The following TNC variants were observed in gnomAD, a reference collection of about 807,000 sequenced individuals.
TNC encodes tenascin C, also known as tenascin.
In TNC, 109 loss-of-function variants were observed where a neutral mutation model predicts 202.4. The ratio of observed to expected loss-of-function variants is 0.54; its 90% CI spans 0.46 to 0.63. TNC has a LOEUF of 0.63. Among genes scored for constraint, TNC ranks in the 30% least tolerant of loss-of-function variants. The pLI, the probability that TNC is intolerant of heterozygous loss-of-function variation, is 0.00. For synonymous variants in TNC, 1,007 were observed against 1,089.7 expected (o/e 0.92, Z 1.50); for missense variants, 2,756 against 2,833.3 (o/e 0.97, Z 0.62).
Position 115,063,933 on chromosome 9 carries a change from G to A in TNC, c.3623C>T (p.Ala1208Val). 1.2e-6 allele frequency: 2 copies of A among 1,614,128 alleles called. No individual in the cohort carries two copies. The highest frequency in any genetic ancestry group is 1.7e-6 in the Non-Finnish European group (2 of 1,180,016). The part of the protein sequence containing the change: ...QVQEADTVEA[A>V]QNLTVPGGLR... ...TCCTCCTGGGACGGTGAGGTTCTGGGCTGCCTCTACTGTGTCAGCCTCCTG... is the reference window on the plus strand; with the variant it reads ...TCCTCCTGGGACGGTGAGGTTCTGGACTGCCTCTACTGTGTCAGCCTCCTG... The change falls in exon 12 of 28, where the codon GCC becomes GTC. Residue 1208 changes from alanine to valine, a missense_variant. Physicochemically the swap from Ala to Val is moderately conservative, Grantham distance 64. Coordinates refer to ENST00000350763, the MANE Select transcript of TNC (RefSeq NM_002160.4).
Position 115,031,535 on chromosome 9 carries a change from C to T in TNC, c.5920+18G>A, listed in dbSNP as rs765039860. 6 of 1,520,726 alleles carry T rather than the reference C, an allele frequency of 3.9e-6. No homozygotes were observed. Among genetic ancestry groups the T allele is most frequent in the Non-Finnish European group, 5.3e-6 (6 of 1,134,222 alleles). The allele number at this position is 1,520,726 out of a possible 1,614,324, so 94.2% of individuals were successfully genotyped here. On this transcript the variant is annotated intron_variant, in intron 23 of 27. Coordinates refer to ENST00000350763, the MANE Select transcript of TNC (RefSeq NM_002160.4). ...AAAGTTAGATCTCAAGGCTGGATGG[C>T]ACCCTGGGCCTCCTTACTTGTGGTG...
chr9:115,082,163 G>A (rs953892429), intron 5 of TNC, among the ~76,000 whole-genome samples: 1 of 152,226 alleles, frequency 6.6e-6, no homozygotes, highest in Non-Finnish European at 1.5e-5. Context: ...CAAGTCAAAT[G>A]ACAGAATGTG....
rs151194379 is a variant in TNC, at chr9:115,036,532, T to A, written c.5513-291A>T. ...CCCACATGGTACTGGCTGGAATCGC[T>A]TTGCCACTGAGACCGAGGTAGAGGA... On this transcript the variant is annotated intron_variant, in intron 20 of 27. Coordinates refer to ENST00000350763, the MANE Select transcript of TNC (RefSeq NM_002160.4). Among the ~76,000 whole-genome samples the A allele has an allele frequency of 2.6e-3, 390 of 152,300 alleles. 2 individuals are homozygous for A. Among genetic ancestry groups the A allele is most frequent in the African/African-American group, 9.0e-3 (375 of 41,562 alleles).
In TNC at chr9:115,019,791, T is replaced by G. The variant is rs1479093790; in HGVS notation, c.*1366A>C. On this transcript the variant is annotated 3_prime_UTR_variant, in exon 28 of 28. Coordinates refer to ENST00000350763, the MANE Select transcript of TNC (RefSeq NM_002160.4). ...AATGAGAAGTATGAGTGTCCCTACT[T>G]TACAGAAGAGGAAACTGAGGCATAG... 1 of 152,176 alleles carries G rather than the reference T, an allele frequency of 6.6e-6. No individual in the cohort carries two copies. Among genetic ancestry groups the G allele is most frequent in the Non-Finnish European group, 1.5e-5 (1 of 68,040 alleles). 9.4% of individuals were successfully genotyped at this position (152,176 alleles called of 1,614,324 possible).
chr9:115,036,369 TGA>T, intron 20 of TNC, 128 bp from the exon 21 acceptor site: 127 of 1,051,330 alleles, frequency 1.2e-4, no homozygotes, highest in Admixed American at 3.8e-4. Context: ...AAAGCAGGTC[TGA>T]TTTCTGAAAT....
intron 11 of TNC, among the ~76,000 whole-genome samples, 200 bp downstream of exon 11, chr9:115,064,447 C>T (rs1832783904): frequency 6.6e-6 from 1 of 152,066 alleles, no homozygotes; most frequent in African/African-American, 2.4e-5. Context: ...TGTACAACTC[C>T]CAAGGGTGTC....
chr9:115,102,524 A>T (rs1836312792), intron 1 of TNC, among the ~76,000 whole-genome samples: 1 of 152,210 alleles, frequency 6.6e-6, no homozygotes, highest in South Asian at 2.1e-4. Flanking sequence ...CTGCTTAAAG[A>T]AATCTACTAT....
chr9:115,040,905 TAAC>T lies in TNC; in HGVS notation c.5392+33_5392+35del, dbSNP rs996717096. The T allele has an allele frequency of 8.9e-6, 8 of 901,652 alleles. No homozygotes were observed. The African/African-American group carries it at 2.7e-4, about 30-fold the overall frequency. The allele number at this position is 901,652 out of a possible 1,614,324, so 55.9% of individuals were successfully genotyped here. A position where few individuals can be genotyped will look rare whatever the true frequency, so the allele number is the denominator to read the frequency against. On this transcript the variant is annotated intron_variant, in intron 19 of 27. Coordinates refer to ENST00000350763, the MANE Select transcript of TNC (RefSeq NM_002160.4). ...TGCACAAGTGACCTCTGAAAAATAG[TAAC>T]ACACACACACACACACAACCCCACC... is the stretch of plus-strand genomic sequence containing the variant.
chr9:115,025,071 A>T (rs901892807), intron 26 of TNC, among the ~76,000 whole-genome samples: 1 of 152,214 alleles, frequency 6.6e-6, no homozygotes, highest in African/African-American at 2.4e-5. Flanking sequence ...GGTGCAGCCA[A>T]ATCACACAAG....
In TNC at chr9:115,021,273, A is replaced by C; in HGVS notation, c.6496-6T>G. On this transcript the variant is annotated splice_polypyrimidine_tract_variant and splice_region_variant and intron_variant, in intron 27 of 27. Coordinates refer to ENST00000350763, the MANE Select transcript of TNC (RefSeq NM_002160.4). Reference sequence around the variant, plus strand: ...CAGTGGAACCAGTTAACGCCCTGTTAAAAAAAAAAAAGAGAGAGAGAGAGA... The same window carrying C: ...CAGTGGAACCAGTTAACGCCCTGTTCAAAAAAAAAAAGAGAGAGAGAGAGA... The C allele has an allele frequency of 9.4e-6, 4 of 427,050 alleles. No homozygotes were observed. Among genetic ancestry groups the C allele is most frequent in the Non-Finnish European group, 1.1e-5 (3 of 277,322 alleles). The allele number at this position is 427,050 out of a possible 1,614,324, so 26.5% of individuals were successfully genotyped here. A position where few individuals can be genotyped will look rare whatever the true frequency, so the allele number is the denominator to read the frequency against.
chr9:115,030,434 C>A, intron 23 of TNC, 29 bp from the exon 24 acceptor site: 1 of 1,601,376 alleles, frequency 6.2e-7, no homozygotes, highest in Non-Finnish European at 8.5e-7. Flanking sequence ...TGGTGATGCT[C>A]TCAGTGCAGG....
At chr9:115,075,505 G>A (rs1354923167) in intron 9 of TNC, among the ~76,000 whole-genome samples, 1 of 152,098 alleles carries the variant, frequency 6.6e-6, no homozygotes. Context: ...AAAAAATCCC[G>A]GCTGGACATA....
At chr9:115,089,659 C>A (rs1835066179) in intron 2 of TNC, among the ~76,000 whole-genome samples, 1 of 152,184 alleles carries the variant, frequency 6.6e-6, no homozygotes, top group African/African-American at 2.4e-5. Context: ...CACCACCACA[C>A]CCTGCTAATT....
At chr9:115,077,868 A>G (rs1833995834) in intron 7 of TNC, 75 bp downstream of exon 7, 2 of 1,478,744 alleles carry the variant, frequency 1.4e-6, no homozygotes, top group African/African-American at 1.4e-5. Flanking sequence ...CCTGGAAGAT[A>G]CCCCAACATG....
At chr9:115,100,130 C>A (rs576469090) in intron 1 of TNC, among the ~76,000 whole-genome samples, 1 of 152,156 alleles carries the variant, frequency 6.6e-6, no homozygotes, top group East Asian at 1.9e-4. Flanking sequence ...AATAGACTGC[C>A]TGTGGTTTAG....
intron 1 of TNC, among the ~76,000 whole-genome samples, chr9:115,093,491 C>G (rs1310446263): frequency 6.6e-6 from 1 of 152,198 alleles, no homozygotes; most frequent in African/African-American, 2.4e-5. Context: ...TCCTTTCAAA[C>G]CAATTTGGCC....
intron 6 of TNC, 126 bp downstream of exon 6, chr9:115,081,646 G>T: frequency 8.7e-7 from 1 of 1,145,066 alleles, no homozygotes; most frequent in Non-Finnish European, 1.3e-6. Flanking sequence ...ACTGTATCTG[G>T]ATTTTTAAAA....
chr9:115,043,015 G>A (rs10759753), intron 17 of TNC, among the ~76,000 whole-genome samples: 119,081 of 152,092 alleles, frequency 0.78, 47,229 homozygotes, highest in African/African-American at 0.92. Context: ...CCCAGTGGAC[G>A]CTGGGTCTAC....
rs762614232 is a variant in TNC at position 115,042,236 on chromosome 9, T to C, written c.5231A>G (p.Tyr1744Cys). 19 of 1,613,954 alleles carry C rather than the reference T, an allele frequency of 1.2e-5. No individual in the cohort carries two copies. The Admixed American group carries it at 3.0e-4, about 25-fold the overall frequency. ...TAQVESFRIT[Y>C]VPITGGTPSM... ...TCTCCTACCTCCTGTAATGGGCACA[T>C]AGGTAATCCGGAAGCTCTCCACTTG... The change falls in exon 18 of 28, where the codon TAT becomes TGT. Residue 1744 changes from tyrosine to cysteine, a missense_variant. By Grantham distance (194) the Tyr-to-Cys change is radical. This residue lies in a region of TNC where 2,559 missense variants were observed against 2,546.0 expected (regional missense o/e 1.01). Coordinates refer to ENST00000350763, the MANE Select transcript of TNC (RefSeq NM_002160.4).
Sources: gnomAD v4.1 joint callset for allele counts (sites outside exome capture counted in the v4.1 genomes callset) on GRCh38, gnomAD v4.1.1 for gene constraint, gnomAD v4.1.1 regional missense constraint, MANE v1.5 for transcripts, NCBI Gene and HGNC (gene_info 2026-07-23, HGNC 2026-07-21) for gene names.